The following PRUNE2 variants were observed in gnomAD, a reference collection of about 807,000 sequenced individuals.
PRUNE2 encodes prune homolog 2 with BCH domain, also known as protein prune homolog 2.
Under a neutral mutation model 252.0 loss-of-function variants are expected in PRUNE2, and 164 were observed. That is an observed-to-expected ratio of 0.65 (90% CI 0.57 to 0.74). PRUNE2 has a LOEUF of 0.74. PRUNE2 is among the 30% of genes least tolerant of loss of function. The probability of loss-of-function intolerance (pLI) is 0.00; values close to 1 mark genes in which losing one functional copy is unlikely to be tolerated. For synonymous variants in PRUNE2, 1,292 were observed against 1,350.2 expected, an observed-to-expected ratio of 0.96 and a Z score of 0.94; for missense variants, 3,495 against 3,711.0, an observed-to-expected ratio of 0.94 and a Z score of 1.51.
At chr9:76,796,535 ACT>A (rs1461152495) in intron 6 of PRUNE2, among the ~76,000 whole-genome samples, 2 of 152,186 alleles carry the variant, frequency 1.3e-5, no homozygotes, top group Non-Finnish European at 2.9e-5. Context: ...TCTGGCATGC[ACT>A]TTATGCTACT....
At chr9:76,762,835 C>T (rs947420807) in intron 6 of PRUNE2, among the ~76,000 whole-genome samples, 13 of 152,178 alleles carry the variant, frequency 8.5e-5, no homozygotes, top group Admixed American at 5.9e-4. Flanking sequence ...CCAGGTAAAA[C>T]GTTTTTAGTT....
rs1481041012 is a variant in PRUNE2, at chr9:76,850,576, T to C, written c.231A>G (p.Glu77=). ...GGAATGATTCGGAAATATTTAGCTC[T>C]TCTAAAATAAACCTCGTCTCGGTGA... is the stretch of plus-strand genomic sequence containing the variant. The part of the protein sequence containing the change: ...NYFTETRFIL[E]ELNISESFHI... Residue 77 remains glutamate, a synonymous_variant, in exon 3 of 19, where the codon GAA becomes GAG. Transcript: ENST00000376718. 1 of 1,613,916 alleles carries C rather than the reference T, an allele frequency of 6.2e-7. No homozygotes were observed. Among genetic ancestry groups the C allele is most frequent in the South Asian group, 1.1e-5 (1 of 91,066 alleles).
chr9:76,756,649 C>T (rs1266394130), intron 6 of PRUNE2, among the ~76,000 whole-genome samples: 1 of 152,200 alleles, frequency 6.6e-6, no homozygotes. Context: ...CAGGAGGATT[C>T]CCTGAGTCTG....
intron 17 of PRUNE2, among the ~76,000 whole-genome samples, chr9:76,622,343 C>A (rs1458682414): frequency 6.6e-6 from 1 of 151,784 alleles, no homozygotes; most frequent in Non-Finnish European, 1.5e-5. Context: ...TACAAAACTA[C>A]CCAAAAACAA....
Position 76,802,418 on chromosome 9 carries a change from G to A in PRUNE2, c.756+21214C>T, listed in dbSNP as rs143150326. Among the ~76,000 whole-genome samples, 125 of 152,224 alleles carry A rather than the reference G, an allele frequency of 8.2e-4. 2 individuals carry two copies. The East Asian group carries it at 0.021, about 26-fold the overall frequency. On this transcript the variant is annotated intron_variant, in intron 6 of 18. Transcript: ENST00000376718. ...AGACATAAGGTAGTCTGGAAAAGTC[G>A]CATTCCTACAGCTCCATACATCATT...
chr9:76,745,381 A>G (rs952935520), intron 6 of PRUNE2, among the ~76,000 whole-genome samples: 2 of 152,176 alleles, frequency 1.3e-5, no homozygotes, highest in Non-Finnish European at 2.9e-5. Context: ...CAAGACGTAC[A>G]ACTTCCCCCA....
intron 11 of PRUNE2, among the ~76,000 whole-genome samples, chr9:76,646,595 C>T (rs1844962753): frequency 6.6e-6 from 1 of 151,902 alleles, no homozygotes; most frequent in Non-Finnish European, 1.5e-5. Flanking sequence ...GGAATCCCTT[C>T]CTGCTTCTTC....
At chr9:76,841,151 C>T (rs1426958787) in intron 4 of PRUNE2, among the ~76,000 whole-genome samples, 7 of 152,090 alleles carry the variant, frequency 4.6e-5, no homozygotes, top group Non-Finnish European at 5.9e-5. Flanking sequence ...GACTGGTCAG[C>T]CCAGCCATGG....
intron 6 of PRUNE2, among the ~76,000 whole-genome samples, chr9:76,774,383 C>A (rs1209798335): frequency 6.6e-6 from 1 of 151,396 alleles, no homozygotes; most frequent in Admixed American, 6.6e-5. Flanking sequence ...AGCAATCCAC[C>A]TGCTTTGGCC....
At chr9:76,762,734 C>G (rs1291872032) in intron 6 of PRUNE2, among the ~76,000 whole-genome samples, 1 of 152,154 alleles carries the variant, frequency 6.6e-6, no homozygotes. Context: ...TGAGATTGAG[C>G]TCCAGAGTCA....
intron 18 of PRUNE2, among the ~76,000 whole-genome samples, chr9:76,617,323 C>T (rs996236132): frequency 2.6e-5 from 4 of 152,168 alleles, no homozygotes; most frequent in Non-Finnish European, 4.4e-5. Context: ...TTGGACTGAT[C>T]GAGCCCATTG....
chr9:76,713,210 T>TA (rs1458584591), intron 7 of PRUNE2, among the ~76,000 whole-genome samples: 2 of 152,260 alleles, frequency 1.3e-5, no homozygotes, highest in African/African-American at 4.8e-5. Flanking sequence ...CACCAGGTCT[T>TA]AAACACTGGG....
At chr9:76,759,765 C>T (rs1432874784) in intron 6 of PRUNE2, 1 of 152,334 alleles carries the variant, frequency 6.6e-6, no homozygotes, top group Non-Finnish European at 1.5e-5. Flanking sequence ...CTGGTTAACA[C>T]TTAAGCCATC....
chr9:76,895,554 G>A (rs1322241308), intron 1 of PRUNE2, among the ~76,000 whole-genome samples: 38 of 152,250 alleles, frequency 2.5e-4, no homozygotes, highest in Non-Finnish European at 2.9e-4. Context: ...ATCTGAGTGG[G>A]AAATTTTTCT....
Position 76,854,133 on chromosome 9 carries a change from TAG to T in PRUNE2, c.110_111del (p.Ser37TyrfsTer28). ...TCTAGAAAGTAAGCATATGTGAAGG[TAG>T]AAATGAGAGAATCCAAGTCACACGA... is the stretch of plus-strand genomic sequence containing the variant. Reference protein sequence around the residue: ...PKSCDLDSLISTFTYAYFLDK... With the variant: ...PKSCDLDSLIXTFTYAYFLDK... On this transcript the variant is annotated frameshift_variant, in exon 2 of 19. Transcript: ENST00000376718. LOFTEE classifies it high-confidence loss of function. 1.9e-6 allele frequency: 3 copies of T among 1,598,876 alleles called. No homozygotes were observed. Among genetic ancestry groups the T allele is most frequent in the Non-Finnish European group, 2.6e-6 (3 of 1,169,166 alleles).
chr9:76,690,538 G>A (rs1310402487), intron 9 of PRUNE2, among the ~76,000 whole-genome samples: 1 of 152,192 alleles, frequency 6.6e-6, no homozygotes, highest in African/African-American at 2.4e-5. Flanking sequence ...TCTTATTGGA[G>A]AGATAATCTT....
At position 76,707,092 on chromosome 9, in the gene PRUNE2, C is replaced by A; in HGVS notation, c.5182G>T (p.Val1728Phe). 1 of 1,613,940 alleles carries A rather than the reference C, an allele frequency of 6.2e-7. No individual in the cohort carries two copies. Among genetic ancestry groups the A allele is most frequent in the South Asian group, 1.1e-5 (1 of 91,084 alleles). The change falls in exon 8 of 19, where the codon GTC becomes TTC. Residue 1728 changes from valine (V) to phenylalanine (F), a missense_variant. Transcript: ENST00000376718. ...TTTTCAGACTTAGGATCAGCTGTGACCAAGAACTTATTAGATTCATTCAAT... is the reference window on the plus strand; with the variant it reads ...TTTTCAGACTTAGGATCAGCTGTGAACAAGAACTTATTAGATTCATTCAAT... ...DSLNESNKFL[V>F]TADPKSENIY...
intron 6 of PRUNE2, among the ~76,000 whole-genome samples, chr9:76,760,813 C>G (rs1345770468): frequency 6.6e-6 from 1 of 152,116 alleles, no homozygotes; most frequent in Non-Finnish European, 1.5e-5. Flanking sequence ...AGACTCGGGC[C>G]GGGCGCGGTG....
At chr9:76,897,390 C>CTATTTTTT (rs1564527202) in intron 1 of PRUNE2, among the ~76,000 whole-genome samples, 2 of 56,252 alleles carry the variant, frequency 3.6e-5, no homozygotes, top group Admixed American at 2.5e-4. Context: ...AGGCAAACCT[C>CTATTTTTT]TTTTTTTTTT....
Sources: gnomAD v4.1 joint callset for allele counts (sites outside exome capture counted in the v4.1 genomes callset) on GRCh38, gnomAD v4.1.1 for gene constraint, MANE v1.5 for transcripts, NCBI Gene and HGNC (gene_info 2026-07-23, HGNC 2026-07-21) for gene names.